The following BZW2 variants were observed in gnomAD, a reference collection of about 807,000 sequenced individuals.
BZW2 encodes the protein eIF5-mimic protein 1.
In BZW2, 23 loss-of-function variants were observed where a neutral mutation model predicts 53.2. That is an observed-to-expected ratio of 0.43 (90% CI 0.31 to 0.61). The LOEUF (loss-of-function observed/expected upper bound fraction) is 0.61, where lower values mean the gene tolerates loss of function less well. Ranked by LOEUF, BZW2 falls within the 20% of genes least tolerant of loss-of-function variation. The probability of loss-of-function intolerance (pLI) is 0.09; values close to 1 mark genes in which losing one functional copy is unlikely to be tolerated. For synonymous variants in BZW2, 227 were observed against 186.4 expected (o/e 1.22, Z -1.77); for missense variants, 409 against 503.1 (o/e 0.81, Z 1.79).
chr7:16,665,597 C>G (rs1782399556), intron 2 of BZW2, 96 bp downstream of exon 2: 1 of 1,542,276 alleles, frequency 6.5e-7, no homozygotes, highest in South Asian at 1.2e-5. Flanking sequence ...CCCAGCCTCA[C>G]TGATTCTACT....
At chr7:16,704,106 A>C (rs1300747298) in intron 10 of BZW2, among the ~76,000 whole-genome samples, 1 of 152,150 alleles carries the variant, frequency 6.6e-6, no homozygotes, top group Non-Finnish European at 1.5e-5. Context: ...TTTTCTCCTA[A>C]AAAAAGAAAA....
chr7:16,663,642 A>T (rs1782333549), intron 1 of BZW2, among the ~76,000 whole-genome samples: 1 of 152,124 alleles, frequency 6.6e-6, no homozygotes, highest in African/African-American at 2.4e-5. Context: ...TACTTGAATA[A>T]TGTAAATTTT....
chr7:16,655,861 G>T (rs78889889), intron 1 of BZW2, among the ~76,000 whole-genome samples: 2 of 152,088 alleles, frequency 1.3e-5, no homozygotes, highest in African/African-American at 4.8e-5. Flanking sequence ...TTGCTCCAGG[G>T]TTCTATGTGT....
chr7:16,672,779 C>T (rs968492733), intron 2 of BZW2, among the ~76,000 whole-genome samples: 3 of 152,154 alleles, frequency 2.0e-5, no homozygotes, highest in African/African-American at 4.8e-5. Context: ...GGCTCCAAGT[C>T]GACCTTCCAC....
intron 10 of BZW2, chr7:16,698,414 A>G (rs7802611): frequency 0.015 from 6,810 of 444,516 alleles, 381 homozygotes; most frequent in African/African-American, 0.12. Flanking sequence ...GGCACTTCTC[A>G]TTGGTAGATG....
At chr7:16,667,295 A>AC (rs1391930280) in intron 2 of BZW2, among the ~76,000 whole-genome samples, 7 of 150,474 alleles carry the variant, frequency 4.7e-5, no homozygotes, top group African/African-American at 1.7e-4. Flanking sequence ...AAAAAAAACA[A>AC]AAAAAAAAAC....
intron 2 of BZW2, among the ~76,000 whole-genome samples, chr7:16,666,294 C>G (rs1254147558): frequency 6.6e-6 from 1 of 152,022 alleles, no homozygotes; most frequent in Non-Finnish European, 1.5e-5. Context: ...GAGACAGGGT[C>G]TCAAACTCCT....
chr7:16,652,029 A>G (rs1781993506), intron 1 of BZW2, among the ~76,000 whole-genome samples: 2 of 152,192 alleles, frequency 1.3e-5, no homozygotes, highest in Non-Finnish European at 2.9e-5. Flanking sequence ...GAGACAGTGG[A>G]TCAGGTTCTG....
chr7:16,665,813 T>C (rs768963475), intron 2 of BZW2, among the ~76,000 whole-genome samples: 2 of 152,200 alleles, frequency 1.3e-5, no homozygotes, highest in Non-Finnish European at 2.9e-5. Flanking sequence ...TATTTGGTTT[T>C]TGCTTTCTTT....
rs547966563 is a variant in BZW2 at position 16,649,259 on chromosome 7, C to T, written c.-8+2971C>T. On this transcript the variant is annotated intron_variant, in intron 1 of 11. Transcript: ENST00000258761. ...TTATCTTTGTTTCTCAGGTTTAACCCAGTGTCTTGCACCTAGTGTATGCTC... is the reference window on the plus strand; with the variant it reads ...TTATCTTTGTTTCTCAGGTTTAACCTAGTGTCTTGCACCTAGTGTATGCTC... Among the ~76,000 whole-genome samples the T allele has an allele frequency of 3.8e-4, 58 of 152,274 alleles. 1 individual carries two copies. Among genetic ancestry groups the T allele is most frequent in the Admixed American group, 3.8e-3 (58 of 15,292 alleles).
At chr7:16,695,392 C>G (rs948113280) in intron 8 of BZW2, among the ~76,000 whole-genome samples, 2 of 152,152 alleles carry the variant, frequency 1.3e-5, no homozygotes, top group African/African-American at 4.8e-5. Context: ...GGAATTAACA[C>G]TGGATTTTTT....
chr7:16,693,827 A>G (rs527689999), intron 7 of BZW2, among the ~76,000 whole-genome samples: 2 of 152,336 alleles, frequency 1.3e-5, no homozygotes, highest in East Asian at 1.9e-4. Context: ...TTTGAAACAT[A>G]TGACTCAACA....
At position 16,646,209 on chromosome 7, in the gene BZW2, C is replaced by G; in HGVS notation, c.-87C>G. The G allele has an allele frequency of 2.9e-6, 1 of 342,764 alleles. No homozygotes were observed. Among genetic ancestry groups the G allele is most frequent in the Non-Finnish European group, 5.9e-6 (1 of 168,774 alleles). The allele number at this position is 342,764 out of a possible 1,614,324, so 21.2% of individuals were successfully genotyped here. A position where few individuals can be genotyped will look rare whatever the true frequency, so the allele number is the denominator to read the frequency against. ...CCTCCATTGTCTGCCGCCACTGCTG[C>G]TGCTGCTGCTGCTGCCGCTGCTGCT... is the stretch of plus-strand genomic sequence containing the variant. On this transcript the variant is annotated 5_prime_UTR_variant, in exon 1 of 12. Transcript: ENST00000258761.
intron 1 of BZW2, among the ~76,000 whole-genome samples, chr7:16,650,400 CA>C (rs201116543): frequency 6.0e-5 from 9 of 149,424 alleles, no homozygotes; most frequent in Non-Finnish European, 1.0e-4. Context: ...GAAGGCATTC[CA>C]AAAAAAAAGA....
chr7:16,673,327 A>C (rs1293297797), intron 2 of BZW2, among the ~76,000 whole-genome samples: 1 of 152,112 alleles, frequency 6.6e-6, no homozygotes, highest in East Asian at 1.9e-4. Flanking sequence ...CAAAATCAAA[A>C]CCATTTTTAT....
intron 10 of BZW2, among the ~76,000 whole-genome samples, chr7:16,698,904 A>G (rs921168132): frequency 5.9e-5 from 9 of 152,212 alleles, no homozygotes; most frequent in Non-Finnish European, 7.3e-5. Context: ...ATTTTATGTT[A>G]TTATGTTCAT....
rs117385361 is a variant in BZW2, at chr7:16,683,858, C to T, written c.405+1013C>T. On this transcript the variant is annotated intron_variant, in intron 5 of 11. Transcript: ENST00000258761. ...TTCTTCCCTACTTACTTACTCTCCC[C>T]GCTCCTCCCCACCTAACTGCACCCC... 5.1e-3 allele frequency among the ~76,000 whole-genome samples: 780 copies of T among 152,230 alleles called. 2 individuals are homozygous for T. The highest frequency in any genetic ancestry group is 0.02 in the Middle Eastern group (6 of 294).
chr7:16,672,928 C>T (rs1782649654), intron 2 of BZW2, among the ~76,000 whole-genome samples: 2 of 151,094 alleles, frequency 1.3e-5, no homozygotes, highest in South Asian at 2.1e-4. Flanking sequence ...TTTGTGATTG[C>T]TCTGTGTTTG....
intron 1 of BZW2, among the ~76,000 whole-genome samples, chr7:16,661,730 A>G (rs754119096): frequency 2.0e-5 from 3 of 152,078 alleles, no homozygotes; most frequent in Non-Finnish European, 4.4e-5. Context: ...ACTTAAGTCC[A>G]TTTTGTTTAC....
Sources: allele counts gnomAD v4.1 joint callset (sites outside exome capture counted in the v4.1 genomes callset), GRCh38; gene constraint gnomAD v4.1.1; transcripts MANE v1.5; gene names NCBI Gene and HGNC (gene_info 2026-07-23, HGNC 2026-07-21).